TTPAL: variants seen among roughly 807,000 people sequenced by gnomAD.
The protein encoded by TTPAL is alpha-tocopherol transfer protein-like.
TTPAL carries 21 observed loss-of-function variants against 28.7 expected under a neutral mutation model. The observed-to-expected ratio is 0.73, with a 90% confidence interval of 0.52 to 1.06. The LOEUF (loss-of-function observed/expected upper bound fraction) is 1.06, where lower values mean the gene tolerates loss of function less well. Ranked by LOEUF, TTPAL falls within the 50% of genes least tolerant of loss-of-function variation. The pLI, the probability that TTPAL is intolerant of heterozygous loss-of-function variation, is 0.00. For synonymous variants in TTPAL, 169 were observed against 171.9 expected (o/e 0.98, Z 0.13); for missense variants, 345 against 425.5 (o/e 0.81, Z 1.67).
intron 4 of TTPAL, among the ~76,000 whole-genome samples, chr20:44,488,358 C>A (rs934909460): frequency 1.1e-4 from 16 of 152,142 alleles, no homozygotes; most frequent in African/African-American, 3.6e-4. Flanking sequence ...CTGTGAAATG[C>A]GCTGATTTGG....
intron 1 of TTPAL, among the ~76,000 whole-genome samples, chr20:44,477,072 A>G (rs1031113624): frequency 8.5e-5 from 13 of 152,210 alleles, no homozygotes; most frequent in African/African-American, 2.9e-4. Context: ...TTCCAGGCAG[A>G]GTGTATCAGA....
intron 4 of TTPAL, among the ~76,000 whole-genome samples, chr20:44,488,024 C>T (rs2064168428): frequency 6.6e-6 from 1 of 152,212 alleles, no homozygotes. Flanking sequence ...CCGCCTTGGC[C>T]TCCGAAAGTG....
At chr20:44,487,277 C>CAA (rs11299040) in intron 4 of TTPAL, among the ~76,000 whole-genome samples, 5 of 120,574 alleles carry the variant, frequency 4.1e-5, no homozygotes, top group African/African-American at 5.8e-5. Flanking sequence ...GAGACTGTCT[C>CAA]AAAAAAAAAA....
intron 3 of TTPAL, among the ~76,000 whole-genome samples, chr20:44,484,879 G>A (rs961777808): frequency 1.3e-5 from 2 of 152,182 alleles, no homozygotes; most frequent in Non-Finnish European, 2.9e-5. Context: ...TTGGGAGGCC[G>A]AGGCAGGTGG....
chr20:44,478,075 C>T (rs570004877), intron 1 of TTPAL, among the ~76,000 whole-genome samples: 187 of 152,300 alleles, frequency 1.2e-3, no homozygotes, highest in Non-Finnish European at 1.9e-3. Context: ...GCTATGATTG[C>T]GCCACTGCAC....
chr20:44,477,634 T>G (rs2064056954), intron 1 of TTPAL, among the ~76,000 whole-genome samples: 1 of 149,432 alleles, frequency 6.7e-6, no homozygotes, highest in Non-Finnish European at 1.5e-5. Flanking sequence ...TATTTATTTA[T>G]CTATCTATCT....
At chr20:44,483,919 A>G (rs1329993875) in intron 2 of TTPAL, among the ~76,000 whole-genome samples, 1 of 152,132 alleles carries the variant, frequency 6.6e-6, no homozygotes, top group African/African-American at 2.4e-5. Context: ...CAGTCTCCCA[A>G]GTAGTGAGAC....
At chr20:44,486,840 G>T in intron 4 of TTPAL, 134 bp downstream of exon 4, 1 of 592,412 alleles carries the variant, frequency 1.7e-6, no homozygotes, top group Non-Finnish European at 3.0e-6. Context: ...TAAAATAAAT[G>T]AACAGTCCCT....
chr20:44,488,269 T>C (rs1226804648), intron 4 of TTPAL, among the ~76,000 whole-genome samples: 1 of 152,208 alleles, frequency 6.6e-6, no homozygotes, highest in African/African-American at 2.4e-5. Context: ...CTTCCCTGAC[T>C]GTATGTGAAC....
Position 44,490,049 on chromosome 20 carries a change from C to T in TTPAL, c.*508C>T, listed in dbSNP as rs1410362399. ...TAGACCTCTGCTGCTCATCAGGAAA[C>T]TTACTGGAGATGAAGGCCCCAGCTG... is the stretch of plus-strand genomic sequence containing the variant. On this transcript the variant is annotated 3_prime_UTR_variant, in exon 5 of 5. Transcript: ENST00000262605. 6.3e-6 allele frequency: 1 copy of T among 158,970 alleles called. No individual in the cohort carries two copies. The highest frequency in any genetic ancestry group is 1.4e-5 in the Non-Finnish European group (1 of 71,646). The allele number at this position is 158,970 out of a possible 1,614,324, so 9.8% of individuals were successfully genotyped here. A position where few individuals can be genotyped will look rare whatever the true frequency, so the allele number is the denominator to read the frequency against.
rs1161170495 is a variant in TTPAL, at chr20:44,491,216, A to C, written c.*1675A>C. ...TTTCTCTCTCTGGTGTGGGTGAACC[A>C]GTCAGCCTGAATGTTCTGCATTTCA... is the stretch of plus-strand genomic sequence containing the variant. On this transcript the variant is annotated 3_prime_UTR_variant, in exon 5 of 5. Transcript: ENST00000262605. 6.7e-6 allele frequency: 1 copy of C among 149,452 alleles called. No homozygotes were observed. The highest frequency in any genetic ancestry group is 2.5e-5 in the African/African-American group (1 of 40,528). 9.3% of individuals were successfully genotyped at this position (149,452 alleles called of 1,614,324 possible). A position where few individuals can be genotyped will look rare whatever the true frequency, so the allele number is the denominator to read the frequency against.
chr20:44,480,213 C>T lies in TTPAL; in HGVS notation c.214C>T (p.Leu72=). 6.2e-7 allele frequency: 1 copy of T among 1,614,188 alleles called. No individual in the cohort carries two copies. ...RDMVRKEYPN[L]STSLDDAFLL... ...CATGGTGCGGAAGGAGTACCCCAACCTGAGCACATCCCTCGACGATGCCTT... is the reference window on the plus strand; with the variant it reads ...CATGGTGCGGAAGGAGTACCCCAACTTGAGCACATCCCTCGACGATGCCTT... The change falls in exon 2 of 5, where the codon CTG becomes TTG. Residue 72 remains leucine, a synonymous_variant. Coordinates refer to ENST00000262605, the MANE Select transcript of TTPAL (RefSeq NM_001039199.3). This position sits in a 1 kb window ranked among gnomAD's most constrained non-coding sequence, Gnocchi z 4.1.
rs905581601 is a variant in TTPAL at position 44,479,263 on chromosome 20, T to C, written c.-15-722T>C. Among the ~76,000 whole-genome samples, 13 of 152,166 alleles carry C rather than the reference T, an allele frequency of 8.5e-5. 1 individual carries two copies. The South Asian group carries it at 2.7e-3, about 31-fold the overall frequency. The stretch of plus-strand genomic sequence containing the variant: ...ACAAGTATATGTCCTAGAAATGGAA[T>C]TGCTGACCCAAAGGGCATGTAGGTT... On this transcript the variant is annotated intron_variant, in intron 1 of 4. Coordinates refer to ENST00000262605, the MANE Select transcript of TTPAL (RefSeq NM_001039199.3).
rs1482026073 is a variant in TTPAL at position 44,494,452 on chromosome 20, A to G, written c.*4911A>G. ...ACTGAAATTCAGTTTGGCTTTGAGT[A>G]TAGGGATACATGGTGGATTCATGTA... On this transcript the variant is annotated 3_prime_UTR_variant, in exon 5 of 5. Coordinates refer to ENST00000262605, the MANE Select transcript of TTPAL (RefSeq NM_001039199.3). The G allele has an allele frequency of 1.3e-5, 2 of 152,776 alleles. No individual in the cohort carries two copies. Among genetic ancestry groups the G allele is most frequent in the Non-Finnish European group, 2.9e-5 (2 of 68,040 alleles). The allele number at this position is 152,776 out of a possible 1,614,324, so 9.5% of individuals were successfully genotyped here.
chr20:44,480,179 C>G lies in TTPAL; in HGVS notation c.180C>G (p.Ala60=), dbSNP rs985723737. The G allele has an allele frequency of 6.2e-7, 1 of 1,614,090 alleles. No homozygotes were observed. Among genetic ancestry groups the G allele is most frequent in the Admixed American group, 1.7e-5 (1 of 60,000 alleles). The change falls in exon 2 of 5, where the codon GCC becomes GCG. Residue 60 remains alanine, a synonymous_variant. Transcript: ENST00000262605. The surrounding 1 kb of genome is among the most constrained non-coding windows in gnomAD (Gnocchi z 4.1). ...KPEWRLRDVQ[A]LRDMVRKEYP... ...AATGGAGACTTCGAGATGTGCAGGCCCTTCGTGACATGGTGCGGAAGGAGT... is the reference window on the plus strand; with the variant it reads ...AATGGAGACTTCGAGATGTGCAGGCGCTTCGTGACATGGTGCGGAAGGAGT...
chr20:44,479,442 T>C (rs1307782712), intron 1 of TTPAL, among the ~76,000 whole-genome samples: 1 of 140,852 alleles, frequency 7.1e-6, no homozygotes, highest in Non-Finnish European at 1.5e-5. Flanking sequence ...AGTCTTGCTG[T>C]GGCTGGAGTG....
chr20:44,485,156 G>GT (rs2064140497), intron 3 of TTPAL, among the ~76,000 whole-genome samples: 1 of 152,056 alleles, frequency 6.6e-6, no homozygotes, highest in Non-Finnish European at 1.5e-5. Flanking sequence ...ATGCTTCTGC[G>GT]TAAGGTGCTG....
chr20:44,476,746 C>T (rs2064047684), intron 1 of TTPAL, among the ~76,000 whole-genome samples: 1 of 152,230 alleles, frequency 6.6e-6, no homozygotes, highest in African/African-American at 2.4e-5. Flanking sequence ...TATGCATTCT[C>T]TTCATTCCAC....
intron 4 of TTPAL, among the ~76,000 whole-genome samples, chr20:44,488,007 G>C (rs2122920128): frequency 6.6e-6 from 1 of 152,332 alleles, no homozygotes; most frequent in South Asian, 2.1e-4. Flanking sequence ...GACCTCAGGT[G>C]ATCCACCCGC....
Sources: allele counts gnomAD v4.1 joint callset (sites outside exome capture counted in the v4.1 genomes callset), GRCh38; gene constraint gnomAD v4.1.1; non-coding constraint Gnocchi (gnomAD v3.1); transcripts MANE v1.5; gene names NCBI Gene and HGNC (gene_info 2026-07-23, HGNC 2026-07-21).